The following CLDN3 variants were observed in gnomAD, a reference collection of about 807,000 sequenced individuals.
CLDN3 encodes claudin 3, also known as claudin-3.
CLDN3 carries 6 observed loss-of-function variants against 16.3 expected under a neutral mutation model. The ratio of observed to expected loss-of-function variants is 0.37; its 90% CI spans 0.20 to 0.73. The LOEUF (loss-of-function observed/expected upper bound fraction) is 0.73, where lower values mean the gene tolerates loss of function less well. Ranked by LOEUF, CLDN3 falls within the 30% of genes least tolerant of loss-of-function variation. The pLI, the probability that CLDN3 is intolerant of heterozygous loss-of-function variation, is 0.52. For synonymous variants in CLDN3, 145 were observed against 150.1 expected (o/e 0.97, Z 0.25); for missense variants, 248 against 305.2 (o/e 0.81, Z 1.40).
chr7:73,769,459 G>T lies in CLDN3; in HGVS notation c.591C>A (p.Val197=). Residue 197 remains valine, a synonymous_variant, in exon 1 of 1, where the codon GTC becomes GTA. Coordinates refer to ENST00000395145, the MANE Select transcript of CLDN3 (RefSeq NM_001306.4). ...REKKYTATKV[V]YSAPRSTGPG... is the part of the protein sequence containing the mutation. ...GGCCGGTGGAGCGCGGCGCGGAGTA[G>T]ACGACCTTGGTGGCCGTGTACTTCT... The T allele has an allele frequency of 6.2e-7, 1 of 1,607,514 alleles. No homozygotes were observed.
chr7:73,769,959 C>G lies in CLDN3; in HGVS notation c.91G>C (p.Val31Leu). Residue 31 changes from valine (V) to leucine (L), a missense_variant, in exon 1 of 1, where the codon GTG (valine) becomes CTG (leucine). Coordinates refer to ENST00000395145, the MANE Select transcript of CLDN3 (RefSeq NM_001306.4). ...IVCCALPMWR[V>L]SAFIGSNIIT... ...ATGTTGCTGCCGATGAAGGCCGACA[C>G]GCGCCACATGGGCAACGCGCAGCAC... is the stretch of plus-strand genomic sequence containing the variant. 1 of 1,613,516 alleles carries G rather than the reference C, an allele frequency of 6.2e-7. No individual in the cohort carries two copies. The highest frequency in any genetic ancestry group is 8.5e-7 in the Non-Finnish European group (1 of 1,179,934).
In CLDN3 at chr7:73,769,239, T is replaced by C; in HGVS notation, c.*148A>G. The C allele has an allele frequency of 4.9e-6, 7 of 1,434,052 alleles. No individual in the cohort carries two copies. Among genetic ancestry groups the C allele is most frequent in the Non-Finnish European group, 6.4e-6 (7 of 1,098,688 alleles). 88.8% of individuals were successfully genotyped at this position (1,434,052 alleles called of 1,614,324 possible). ...GTGGCTGCTGGGGAAGCTGCCCCAGTCCAGCGCGGGGGCTTCCTGGCTTCT... is the reference window on the plus strand; with the variant it reads ...GTGGCTGCTGGGGAAGCTGCCCCAGCCCAGCGCGGGGGCTTCCTGGCTTCT... On this transcript the variant is annotated 3_prime_UTR_variant, in exon 1 of 1. Coordinates refer to ENST00000395145, the MANE Select transcript of CLDN3 (RefSeq NM_001306.4).
chr7:73,769,570 G>A lies in CLDN3; in HGVS notation c.480C>T (p.Gly160=). Residue 160 remains glycine, a synonymous_variant, in exon 1 of 1, where the codon GGC becomes GGT. Coordinates refer to ENST00000395145, the MANE Select transcript of CLDN3 (RefSeq NM_001306.4). ...CCGCCCAGCCCACGTACAGGCCCGC[G>A]CCCATCTCGCGCTTCTGCGCCTCGG... ...VVPEAQKREM[G]AGLYVGWAAA... 6.2e-7 allele frequency: 1 copy of A among 1,603,906 alleles called. No homozygotes were observed. The highest frequency in any genetic ancestry group is 8.5e-7 in the Non-Finnish European group (1 of 1,175,090).
At position 73,769,300 on chromosome 7, in the gene CLDN3, T is replaced by C; in HGVS notation, c.*87A>G. On this transcript the variant is annotated 3_prime_UTR_variant, in exon 1 of 1. Coordinates refer to ENST00000395145, the MANE Select transcript of CLDN3 (RefSeq NM_001306.4). ...TGGCCTCCGAGGCAAGGCTGCACGC[T>C]GGATGGCCTGGTGCGCGCTCCAGCT... The C allele has an allele frequency of 6.6e-7, 1 of 1,514,774 alleles. No individual in the cohort carries two copies. Among genetic ancestry groups the C allele is most frequent in the South Asian group, 1.3e-5 (1 of 78,546 alleles). 93.8% of individuals were successfully genotyped at this position (1,514,774 alleles called of 1,614,324 possible).
chr7:73,769,571 C>G lies in CLDN3; in HGVS notation c.479G>C (p.Gly160Ala). 3 of 1,604,126 alleles carry G rather than the reference C, an allele frequency of 1.9e-6. No individual in the cohort carries two copies. Among genetic ancestry groups the G allele is most frequent in the Non-Finnish European group, 8.5e-7 (1 of 1,175,220 alleles). Residue 160 changes from glycine (G) to alanine (A), a missense_variant, in exon 1 of 1, where the codon GGC becomes GCC. Coordinates refer to ENST00000395145, the MANE Select transcript of CLDN3 (RefSeq NM_001306.4). ...VVPEAQKREM[G>A]AGLYVGWAAA... ...CGCCCAGCCCACGTACAGGCCCGCG[C>G]CCATCTCGCGCTTCTGCGCCTCGGG...
Position 73,770,187 on chromosome 7 carries a change from C to A in CLDN3, c.-138G>T. On this transcript the variant is annotated 5_prime_UTR_variant, in exon 1 of 1. It removes the in-frame stop codon of an upstream open reading frame in the 5' UTR. Transcript: ENST00000395145. The surrounding 1 kb of genome is among the most constrained non-coding windows in gnomAD (Gnocchi z 5.7). ...CGGACTGACTCACCGACGGCGCGCG[C>A]TAACGGCTCGGCTCCATACGCTCTC... 1 of 1,291,818 alleles carries A rather than the reference C, an allele frequency of 7.7e-7. No homozygotes were observed. The highest frequency in any genetic ancestry group is 1.0e-6 in the Non-Finnish European group (1 of 1,001,416). The allele number at this position is 1,291,818 out of a possible 1,614,324, so 80.0% of individuals were successfully genotyped here. A position where few individuals can be genotyped will look rare whatever the true frequency, so the allele number is the denominator to read the frequency against.
chr7:73,769,281 C>G lies in CLDN3; in HGVS notation c.*106G>C. 6.8e-7 allele frequency: 1 copy of G among 1,473,756 alleles called. No homozygotes were observed. The highest frequency in any genetic ancestry group is 8.9e-7 in the Non-Finnish European group (1 of 1,118,436). The allele number at this position is 1,473,756 out of a possible 1,614,324, so 91.3% of individuals were successfully genotyped here. The stretch of plus-strand genomic sequence containing the variant: ...CTGGCTTCTGGGGGTGGGCTGGCCT[C>G]CGAGGCAAGGCTGCACGCTGGATGG... On this transcript the variant is annotated 3_prime_UTR_variant, in exon 1 of 1. Transcript: ENST00000395145.
At position 73,769,987 on chromosome 7, in the gene CLDN3, G is replaced by T. The variant is rs782289987; in HGVS notation, c.63C>A (p.Ile21=). 3.7e-6 allele frequency: 6 copies of T among 1,612,850 alleles called. No homozygotes were observed. The highest frequency in any genetic ancestry group is 5.1e-6 in the Non-Finnish European group (6 of 1,179,728). Residue 21 remains isoleucine, a synonymous_variant, in exon 1 of 1, where the codon ATC becomes ATA. Transcript: ENST00000395145. ...ALAVLGWLGT[I]VCCALPMWRV... ...GCCACATGGGCAACGCGCAGCACAC[G>T]ATGGTGCCCAGCCAGCCCAGCACGG...
Position 73,769,517 on chromosome 7 carries a change from G to A in CLDN3, c.533C>T (p.Ala178Val), listed in dbSNP as rs781958238. 4 of 1,607,176 alleles carry A rather than the reference G, an allele frequency of 2.5e-6. No individual in the cohort carries two copies. Among genetic ancestry groups the A allele is most frequent in the Admixed American group, 3.4e-5 (2 of 59,480 alleles). The change falls in exon 1 of 1, where the codon GCG (alanine) becomes GTG (valine). Residue 178 changes from alanine to valine, a missense_variant. By Grantham distance (64) the Ala-to-Val change is moderately conservative (BLOSUM62 0). Coordinates refer to ENST00000395145, the MANE Select transcript of CLDN3 (RefSeq NM_001306.4). Reference protein sequence around the residue: ...AAAALQLLGGALLCCSCPPRE... With the variant: ...AAAALQLLGGVLLCCSCPPRE... ...TGGGGGACACGAGCAGCAGAGCAGC[G>A]CGCCCCCCAGCAGCTGCAGCGCCGC...
Position 73,770,041 on chromosome 7 carries a change from C to T in CLDN3, c.9G>A (p.Met3Ile), listed in dbSNP as rs1174416533. Residue 3 changes from methionine (M) to isoleucine (I), a missense_variant, in exon 1 of 1, where the codon ATG becomes ATA. Coordinates refer to ENST00000395145, the MANE Select transcript of CLDN3 (RefSeq NM_001306.4). The surrounding 1 kb of genome is among the most constrained non-coding windows in gnomAD (Gnocchi z 5.7). Reference protein sequence around the residue: MSMGLEITGTALA... With the variant: MSIGLEITGTALA... ...GCGCGGTGCCCGTGATCTCCAGGCC[C>T]ATGGACATGGCTGCCGCGGCAAGGC... is the stretch of plus-strand genomic sequence containing the variant. The T allele has an allele frequency of 6.4e-7, 1 of 1,570,794 alleles. No individual in the cohort carries two copies. Among genetic ancestry groups the T allele is most frequent in the Non-Finnish European group, 8.6e-7 (1 of 1,157,896 alleles).
At position 73,769,519 on chromosome 7, in the gene CLDN3, G is replaced by C; in HGVS notation, c.531C>G (p.Gly177=). ...WAAAALQLLG[G]ALLCCSCPPR... ...GGGGACACGAGCAGCAGAGCAGCGC[G>C]CCCCCCAGCAGCTGCAGCGCCGCGG... Residue 177 remains glycine (G), a synonymous_variant, in exon 1 of 1, where the codon GGC becomes GGG. Coordinates refer to ENST00000395145, the MANE Select transcript of CLDN3 (RefSeq NM_001306.4). The C allele has an allele frequency of 6.2e-7, 1 of 1,607,056 alleles. No homozygotes were observed. The highest frequency in any genetic ancestry group is 1.3e-5 in the African/African-American group (1 of 74,952).
Position 73,769,287 on chromosome 7 carries a change from C to A in CLDN3, c.*100G>T. ...TCTGGGGGTGGGCTGGCCTCCGAGG[C>A]AAGGCTGCACGCTGGATGGCCTGGT... On this transcript the variant is annotated 3_prime_UTR_variant, in exon 1 of 1. Coordinates refer to ENST00000395145, the MANE Select transcript of CLDN3 (RefSeq NM_001306.4). The A allele has an allele frequency of 6.7e-7, 1 of 1,487,980 alleles. No individual in the cohort carries two copies. Among genetic ancestry groups the A allele is most frequent in the Non-Finnish European group, 8.9e-7 (1 of 1,125,314 alleles). The allele number at this position is 1,487,980 out of a possible 1,614,324, so 92.2% of individuals were successfully genotyped here.
chr7:73,769,031 GTGCCCCTTCCAGGGC>G lies in CLDN3; in HGVS notation c.*341_*355del. 2.7e-6 allele frequency: 1 copy of G among 370,040 alleles called. No individual in the cohort carries two copies. Among genetic ancestry groups the G allele is most frequent in the South Asian group, 6.2e-5 (1 of 16,132 alleles). 22.9% of individuals were successfully genotyped at this position (370,040 alleles called of 1,614,324 possible). On this transcript the variant is annotated 3_prime_UTR_variant, in exon 1 of 1. Coordinates refer to ENST00000395145, the MANE Select transcript of CLDN3 (RefSeq NM_001306.4). ...AAAGGCTTTTATTGAAAAATATCAA[GTGCCCCTTCCAGGGC>G]TGCCGGTCCCTGCCCAGCGCGAGCA...
Position 73,770,038 on chromosome 7 carries a change from G to C in CLDN3, c.12C>G (p.Gly4=). The C allele has an allele frequency of 6.3e-7, 1 of 1,577,304 alleles. No individual in the cohort carries two copies. Residue 4 remains glycine (G), a synonymous_variant, in exon 1 of 1, where the codon GGC becomes GGG. Coordinates refer to ENST00000395145, the MANE Select transcript of CLDN3 (RefSeq NM_001306.4). This position sits in a 1 kb window ranked among gnomAD's most constrained non-coding sequence, Gnocchi z 5.7. ...CCAGCGCGGTGCCCGTGATCTCCAG[G>C]CCCATGGACATGGCTGCCGCGGCAA... The part of the protein sequence containing the change: MSM[G]LEITGTALAV...
chr7:73,769,594 G>A lies in CLDN3; in HGVS notation c.456C>T (p.Pro152=). The change falls in exon 1 of 1, where the codon CCC becomes CCT. Residue 152 remains proline (P), a synonymous_variant. Coordinates refer to ENST00000395145, the MANE Select transcript of CLDN3 (RefSeq NM_001306.4). ...IIRDFYNPVV[P]EAQKREMGAG... ...CGCCCATCTCGCGCTTCTGCGCCTC[G>A]GGCACCACGGGGTTGTAGAAGTCCC... 1 of 1,608,714 alleles carries A rather than the reference G, an allele frequency of 6.2e-7. No homozygotes were observed. The highest frequency in any genetic ancestry group is 8.5e-7 in the Non-Finnish European group (1 of 1,177,486).
At position 73,770,215 on chromosome 7, in the gene CLDN3, C is replaced by G. The variant is rs1305542326; in HGVS notation, c.-166G>C. On this transcript the variant is annotated 5_prime_UTR_variant, in exon 1 of 1. Transcript: ENST00000395145. This position sits in a 1 kb window ranked among gnomAD's most constrained non-coding sequence, Gnocchi z 5.7. ...ACGGCTCGGCTCCATACGCTCTCGC[C>G]GCGGCTGCGCCTGCACCTGCCTGTG... 1.9e-6 allele frequency: 2 copies of G among 1,072,142 alleles called. No individual in the cohort carries two copies. Among genetic ancestry groups the G allele is most frequent in the African/African-American group, 3.4e-5 (2 of 59,422 alleles). 66.4% of individuals were successfully genotyped at this position (1,072,142 alleles called of 1,614,324 possible). A position where few individuals can be genotyped will look rare whatever the true frequency, so the allele number is the denominator to read the frequency against.
In CLDN3 at chr7:73,769,242, A is replaced by C; in HGVS notation, c.*145T>G. 1 of 1,435,520 alleles carries C rather than the reference A, an allele frequency of 7.0e-7. No individual in the cohort carries two copies. The allele number at this position is 1,435,520 out of a possible 1,614,324, so 88.9% of individuals were successfully genotyped here. A position where few individuals can be genotyped will look rare whatever the true frequency, so the allele number is the denominator to read the frequency against. On this transcript the variant is annotated 3_prime_UTR_variant, in exon 1 of 1. Transcript: ENST00000395145. The stretch of plus-strand genomic sequence containing the variant: ...GCTGCTGGGGAAGCTGCCCCAGTCC[A>C]GCGCGGGGGCTTCCTGGCTTCTGGG...
Position 73,770,057 on chromosome 7 carries a change from G to C in CLDN3, c.-8C>G, listed in dbSNP as rs1787024471. ...CTCCAGGCCCATGGACATGGCTGCC[G>C]CGGCAAGGCCCGCTCCACCGGGTGG... On this transcript the variant is annotated 5_prime_UTR_variant, in exon 1 of 1. Coordinates refer to ENST00000395145, the MANE Select transcript of CLDN3 (RefSeq NM_001306.4). This position sits in a 1 kb window ranked among gnomAD's most constrained non-coding sequence, Gnocchi z 5.7. The C allele has an allele frequency of 6.6e-7, 1 of 1,526,644 alleles. No individual in the cohort carries two copies. Among genetic ancestry groups the C allele is most frequent in the African/African-American group, 1.4e-5 (1 of 71,570 alleles). 94.6% of individuals were successfully genotyped at this position (1,526,644 alleles called of 1,614,324 possible). A position where few individuals can be genotyped will look rare whatever the true frequency, so the allele number is the denominator to read the frequency against.
rs375337399 is a variant in CLDN3, at chr7:73,769,489, G to A, written c.561C>T (p.Arg187=). 3.8e-5 allele frequency: 61 copies of A among 1,609,354 alleles called. No homozygotes were observed. The Middle Eastern group carries it at 4.9e-4, about 13-fold the overall frequency. The part of the protein sequence containing the change: ...GALLCCSCPP[R]EKKYTATKVV... ...CCTTGGTGGCCGTGTACTTCTTCTCGCGTGGGGGACACGAGCAGCAGAGCA... is the reference window on the plus strand; with the variant it reads ...CCTTGGTGGCCGTGTACTTCTTCTCACGTGGGGGACACGAGCAGCAGAGCA... Residue 187 remains arginine, a synonymous_variant, in exon 1 of 1, where the codon CGC becomes CGT. Coordinates refer to ENST00000395145, the MANE Select transcript of CLDN3 (RefSeq NM_001306.4).
Sources: allele counts gnomAD v4.1 joint callset, GRCh38; gene constraint gnomAD v4.1.1; non-coding constraint Gnocchi (gnomAD v3.1); transcripts MANE v1.5; gene names NCBI Gene and HGNC (gene_info 2026-07-23, HGNC 2026-07-21).